ATE1: variants seen among roughly 807,000 people sequenced by gnomAD.
ATE1 encodes arginyltransferase 1, also known as arginyl-tRNA--protein transferase 1.
Under a neutral mutation model 70.5 loss-of-function variants are expected in ATE1, and 36 were observed. The observed-to-expected ratio is 0.51, with a 90% confidence interval of 0.39 to 0.67. The LOEUF is 0.67. Ranked by LOEUF, ATE1 falls within the 30% of genes least tolerant of loss-of-function variation. ATE1 has a pLI of 0.00. For synonymous variants in ATE1, 232 were observed against 219.3 expected (o/e 1.06, Z -0.51); for missense variants, 593 against 629.5 (o/e 0.94, Z 0.62).
intron 10 of ATE1, among the ~76,000 whole-genome samples, chr10:121,823,083 G>T (rs1300915982): frequency 1.3e-5 from 2 of 152,122 alleles, no homozygotes; most frequent in African/African-American, 4.8e-5. Context: ...AAGGTCAGGA[G>T]ATCGAGACCA....
chr10:121,900,532 T>A (rs1287414645), intron 6 of ATE1, among the ~76,000 whole-genome samples: 1 of 152,218 alleles, frequency 6.6e-6, no homozygotes, highest in Non-Finnish European at 1.5e-5. Context: ...AATGTCACCA[T>A]CTTGGTCAAG....
intron 6 of ATE1, among the ~76,000 whole-genome samples, chr10:121,901,818 G>A (rs550774895): frequency 1.3e-5 from 2 of 152,202 alleles, no homozygotes; most frequent in Middle Eastern, 3.4e-3. Context: ...ATCTAGAAAC[G>A]AAAATAAATT....
At chr10:121,804,370 T>A (rs1947011166) in intron 10 of ATE1, among the ~76,000 whole-genome samples, 1 of 152,170 alleles carries the variant, frequency 6.6e-6, no homozygotes, top group Admixed American at 6.5e-5. Flanking sequence ...GTCCTTAAAA[T>A]TTTAAGGAGC....
intron 11 of ATE1, among the ~76,000 whole-genome samples, chr10:121,771,197 A>G (rs1190008670): frequency 6.6e-6 from 1 of 152,128 alleles, no homozygotes; most frequent in African/African-American, 2.4e-5. Flanking sequence ...CAGCCTCCCA[A>G]GTAGCTGGGA....
At chr10:121,827,477 C>A (rs985690460) in intron 10 of ATE1, among the ~76,000 whole-genome samples, 1 of 152,166 alleles carries the variant, frequency 6.6e-6, no homozygotes, top group East Asian at 1.9e-4. Flanking sequence ...AACCACACTA[C>A]CCCTCCCGCT....
intron 10 of ATE1, among the ~76,000 whole-genome samples, chr10:121,814,152 C>G (rs933851407): frequency 6.6e-6 from 1 of 152,096 alleles, no homozygotes; most frequent in African/African-American, 2.4e-5. Flanking sequence ...ACTATATACA[C>G]AAATGCACAC....
At chr10:121,744,697 G>A (rs1490530279) in intron 11 of ATE1, among the ~76,000 whole-genome samples, 1 of 152,172 alleles carries the variant, frequency 6.6e-6, no homozygotes, top group Admixed American at 6.5e-5. Flanking sequence ...GACCGTTGGT[G>A]GCTGCCACTA....
chr10:121,757,778 G>C (rs1307697288), intron 11 of ATE1, among the ~76,000 whole-genome samples: 1 of 152,184 alleles, frequency 6.6e-6, no homozygotes, highest in Non-Finnish European at 1.5e-5. Flanking sequence ...AATTATGGGA[G>C]CTACAAGATG....
chr10:121,831,522 G>C (rs908780363), intron 10 of ATE1, among the ~76,000 whole-genome samples: 1 of 152,148 alleles, frequency 6.6e-6, no homozygotes, highest in Non-Finnish European at 1.5e-5. Context: ...AGCTCCGCAA[G>C]TCAGGCTTTC....
chr10:121,851,090 CAAAAAAAAAAAAAAAAAAAA>C (rs10603053), intron 8 of ATE1, among the ~76,000 whole-genome samples: 10 of 43,220 alleles, frequency 2.3e-4, no homozygotes, highest in South Asian at 1.8e-3. Flanking sequence ...GACTCCATCT[CAAAAAAAAAAAAAAAAAAAA>C]AAAAAAAAAA....
chr10:121,780,299 A>G (rs1945927704), intron 11 of ATE1, among the ~76,000 whole-genome samples: 1 of 152,164 alleles, frequency 6.6e-6, no homozygotes, highest in African/African-American at 2.4e-5. Flanking sequence ...GTCAGAACCT[A>G]CATAACTCTC....
Position 121,901,957 on chromosome 10 carries a change from T to A in ATE1, c.813+434A>T, listed in dbSNP as rs566416603. Among the ~76,000 whole-genome samples the A allele has an allele frequency of 1.1e-4, 16 of 152,342 alleles. No individual in the cohort carries two copies. In the South Asian group the frequency reaches 3.1e-3, roughly 30 times the overall value. On this transcript the variant is annotated intron_variant, in intron 6 of 11. Coordinates refer to ENST00000224652, the MANE Select transcript of ATE1 (RefSeq NM_001001976.3). ...GATAATTCCTAACTGCTGGCTTATG[T>A]ATATGACACCATTTGCTGTCTTTAC... is the stretch of plus-strand genomic sequence containing the variant.
intron 10 of ATE1, among the ~76,000 whole-genome samples, chr10:121,800,351 C>T (rs1488194379): frequency 2.6e-5 from 4 of 152,088 alleles, no homozygotes; most frequent in African/African-American, 7.2e-5. Flanking sequence ...TGGGCTTGGC[C>T]GATTGCAATA....
chr10:121,793,472 T>C (rs1052244462), intron 10 of ATE1, among the ~76,000 whole-genome samples: 5 of 152,186 alleles, frequency 3.3e-5, no homozygotes, highest in African/African-American at 9.6e-5. Context: ...CCATTTTACA[T>C]TCTCATCAGC....
At chr10:121,833,855 G>A (rs1164035959) in intron 10 of ATE1, among the ~76,000 whole-genome samples, 1 of 152,090 alleles carries the variant, frequency 6.6e-6, no homozygotes, top group African/African-American at 2.4e-5. Context: ...GAGGCTCTCA[G>A]CTGTGAAAAA....
At chr10:121,926,624 AT>A (rs1321878480) in intron 1 of ATE1, 1 of 720,474 alleles carries the variant, frequency 1.4e-6, no homozygotes, top group Non-Finnish European at 1.7e-6. Flanking sequence ...TAAAATATTA[AT>A]TTTAGGCACG....
intron 11 of ATE1, among the ~76,000 whole-genome samples, chr10:121,747,715 G>A (rs1458431040): frequency 6.6e-6 from 1 of 152,168 alleles, no homozygotes; most frequent in Non-Finnish European, 1.5e-5. Flanking sequence ...TTCCTGCTTA[G>A]ATCCTGATAC....
intron 11 of ATE1, among the ~76,000 whole-genome samples, chr10:121,785,634 C>T (rs1350444206): frequency 6.6e-6 from 1 of 152,134 alleles, no homozygotes; most frequent in African/African-American, 2.4e-5. Flanking sequence ...ACAGCAAAAA[C>T]ACAATATAGA....
At chr10:121,909,900 T>C (rs1415460161) in intron 5 of ATE1, among the ~76,000 whole-genome samples, 1 of 151,936 alleles carries the variant, frequency 6.6e-6, no homozygotes, top group African/African-American at 2.4e-5. Context: ...TTAAAAGAAC[T>C]AGGCATGGTG....
Sources: gnomAD v4.1 joint callset for allele counts (sites outside exome capture counted in the v4.1 genomes callset) on GRCh38, gnomAD v4.1.1 for gene constraint, MANE v1.5 for transcripts, NCBI Gene and HGNC (gene_info 2026-07-23, HGNC 2026-07-21) for gene names.